The following NTM variants were observed in gnomAD, a reference collection of about 807,000 sequenced individuals.
The protein encoded by NTM is IgLON family member 2.
A neutral mutation model predicts 42.1 loss-of-function variants in NTM; 13 were observed. That is an observed-to-expected ratio of 0.31 (90% CI 0.20 to 0.49). The LOEUF is 0.49. NTM is among the 20% of genes least tolerant of loss of function. The pLI, the probability that NTM is intolerant of heterozygous loss-of-function variation, is 0.99. For missense variants in NTM, 373 were observed against 452.8 expected, an observed-to-expected ratio of 0.82 and a Z score of 1.60; for synonymous variants, 187 against 179.2, an observed-to-expected ratio of 1.04 and a Z score of -0.35.
rs545843416 is a variant in NTM at position 132,229,080 on chromosome 11, G to C, written c.526+16933G>C. Among the ~76,000 whole-genome samples the C allele has an allele frequency of 8.6e-5, 13 of 152,002 alleles. No individual in the cohort carries two copies. In the South Asian group the frequency reaches 1.2e-3, roughly 15 times the overall value. ...CTTGAGAAACGAATAACTGAAAGAG[G>C]GATCATCATCCTCATCACCGTGATC... On this transcript the variant is annotated intron_variant, in intron 4 of 8. Transcript: ENST00000683400.
At chr11:132,215,613 A>T (rs1292612476) in intron 4 of NTM, among the ~76,000 whole-genome samples, 4 of 152,228 alleles carry the variant, frequency 2.6e-5, no homozygotes. Context: ...GTGCATGTCC[A>T]GTACAGAGAG....
intron 4 of NTM, among the ~76,000 whole-genome samples, chr11:132,280,784 C>T (rs758801151): frequency 1.4e-4 from 21 of 152,048 alleles, no homozygotes; most frequent in Non-Finnish European, 2.6e-4. Flanking sequence ...CCACCCCTGG[C>T]CTCTGATAGT....
At chr11:132,198,343 C>A (rs989054276) in intron 3 of NTM, among the ~76,000 whole-genome samples, 1 of 152,060 alleles carries the variant, frequency 6.6e-6, no homozygotes, top group African/African-American at 2.4e-5. Flanking sequence ...TCTACAGGAT[C>A]ATGCCAGCAT....
At chr11:131,441,164 TC>T (rs1292965300) in intron 1 of NTM, among the ~76,000 whole-genome samples, 2 of 152,230 alleles carry the variant, frequency 1.3e-5, no homozygotes, top group African/African-American at 4.8e-5. Context: ...CCATTGTCTT[TC>T]TTTCCTATAT....
At chr11:131,512,354 G>A (rs1453607479) in intron 1 of NTM, among the ~76,000 whole-genome samples, 1 of 152,220 alleles carries the variant, frequency 6.6e-6, no homozygotes, top group Admixed American at 6.5e-5. Flanking sequence ...CAAGGCCTCA[G>A]TAGACCACGT....
At chr11:131,956,761 A>G (rs71485705) in intron 2 of NTM, among the ~76,000 whole-genome samples, 17,476 of 152,056 alleles carry the variant, frequency 0.11, 1,027 homozygotes, top group East Asian at 0.21. Flanking sequence ...GTGTGAGTCA[A>G]TGGCCTTCCT....
intron 3 of NTM, among the ~76,000 whole-genome samples, chr11:132,178,004 A>T (rs1172577185): frequency 6.6e-6 from 1 of 152,248 alleles, no homozygotes; most frequent in East Asian, 1.9e-4. Flanking sequence ...GAAATGGAAA[A>T]TTTTGATGGA....
Position 132,146,808 on chromosome 11 carries a change from TTTTG to T in NTM, c.400+306_400+309del, listed in dbSNP as rs1418415758. 12 of 394,818 alleles carry T rather than the reference TTTTG, an allele frequency of 3.0e-5. No homozygotes were observed. The highest frequency in any genetic ancestry group is 1.3e-4 in the East Asian group (3 of 23,860). The allele number at this position is 394,818 out of a possible 1,614,324, so 24.5% of individuals were successfully genotyped here. A position where few individuals can be genotyped will look rare whatever the true frequency, so the allele number is the denominator to read the frequency against. On this transcript the variant is annotated intron_variant, in intron 3 of 8. Coordinates refer to ENST00000683400, the MANE Select transcript of NTM (RefSeq NM_001352005.2). The surrounding 1 kb of genome is among the most constrained non-coding windows in gnomAD (Gnocchi z 4.5). ...TTTTTCTCCCCTAAGTTTTAGTTAT[TTTTG>T]TTTGTTTGTTTTTTGTTTTGTTTTG...
intron 4 of NTM, among the ~76,000 whole-genome samples, chr11:132,275,746 A>ACG (rs2093696672): frequency 1.2e-5 from 1 of 81,150 alleles, no homozygotes; most frequent in African/African-American, 5.3e-5. Context: ...GTATATATAT[A>ACG]TGTGTATATA....
rs139084302 is a variant in NTM at position 132,024,741 on chromosome 11, T to G, written c.167+113093T>G. On this transcript the variant is annotated intron_variant, in intron 2 of 8. Coordinates refer to ENST00000683400, the MANE Select transcript of NTM (RefSeq NM_001352005.2). ...GACTTTCCCTGAAGTTGTCAACTTC[T>G]GACTCAGTCACATTCTTGACCTCTG... Among the ~76,000 whole-genome samples the G allele has an allele frequency of 1.8e-3, 273 of 152,326 alleles. 1 individual carries two copies. The highest frequency in any genetic ancestry group is 3.9e-3 in the South Asian group (19 of 4,818).
At chr11:131,660,190 G>C in intron 1 of NTM, 1 of 252,966 alleles carries the variant, frequency 4.0e-6, no homozygotes, top group Non-Finnish European at 8.3e-6. Context: ...TAGGACTCGG[G>C]TGGGCCAGTT....
intron 1 of NTM, among the ~76,000 whole-genome samples, chr11:131,594,976 TGG>T (rs1226165224): frequency 6.6e-6 from 1 of 152,236 alleles, no homozygotes; most frequent in Non-Finnish European, 1.5e-5. Flanking sequence ...CTTATAAAAC[TGG>T]TCTAAAGATC....
At chr11:131,456,114 T>C (rs531104589) in intron 1 of NTM, among the ~76,000 whole-genome samples, 82 of 152,314 alleles carry the variant, frequency 5.4e-4, no homozygotes, top group African/African-American at 1.8e-3. Context: ...ACTACTAGCT[T>C]AGCGTTCCAA....
intron 2 of NTM, among the ~76,000 whole-genome samples, chr11:132,078,773 C>T (rs1453308696): frequency 1.4e-4 from 22 of 152,312 alleles, no homozygotes. Flanking sequence ...TTCTTTTACA[C>T]TTAACTCATC....
chr11:131,510,256 A>T (rs1390098368), intron 1 of NTM, among the ~76,000 whole-genome samples: 1 of 152,200 alleles, frequency 6.6e-6, no homozygotes, highest in East Asian at 1.9e-4. Flanking sequence ...CTTGCAGCTC[A>T]TCCGCAGCGG....
At chr11:131,561,453 TC>T (rs1198984049) in intron 1 of NTM, among the ~76,000 whole-genome samples, 3 of 151,982 alleles carry the variant, frequency 2.0e-5, no homozygotes, top group Non-Finnish European at 4.4e-5. Context: ...AAACAAAAGT[TC>T]CCCCATCCAT....
At chr11:131,393,346 T>C (rs942059293) in intron 1 of NTM, among the ~76,000 whole-genome samples, 1 of 152,146 alleles carries the variant, frequency 6.6e-6, no homozygotes, top group African/African-American at 2.4e-5. Context: ...GACATAGTAG[T>C]AGAGAGACTT....
chr11:132,285,500 C>T (rs1280735098), intron 4 of NTM, among the ~76,000 whole-genome samples: 2 of 152,162 alleles, frequency 1.3e-5, no homozygotes, highest in Admixed American at 1.3e-4. Flanking sequence ...ACTGTCACAG[C>T]CACCCCTCGA....
intron 4 of NTM, among the ~76,000 whole-genome samples, chr11:132,282,171 T>A (rs149260435): frequency 1.2e-3 from 183 of 152,342 alleles, no homozygotes; most frequent in Admixed American, 2.4e-3. Context: ...TGAGTGTAGA[T>A]ATTGACCAAT....
Sources: gnomAD v4.1 joint callset for allele counts (sites outside exome capture counted in the v4.1 genomes callset) on GRCh38, gnomAD v4.1.1 for gene constraint, Gnocchi (gnomAD v3.1) non-coding constraint, MANE v1.5 for transcripts, NCBI Gene and HGNC (gene_info 2026-07-23, HGNC 2026-07-21) for gene names.